The following IFT172 variants were observed in gnomAD, a reference collection of about 807,000 sequenced individuals.
The protein encoded by IFT172 is intraflagellar transport protein 172 homolog.
A neutral mutation model predicts 248.9 loss-of-function variants in IFT172; 164 were observed. That is an observed-to-expected ratio of 0.66 (90% CI 0.58 to 0.75). The LOEUF is 0.75. Ranked by LOEUF, IFT172 falls within the 30% of genes least tolerant of loss-of-function variation. The probability of loss-of-function intolerance (pLI) is 0.00; values close to 1 mark genes in which losing one functional copy is unlikely to be tolerated. For missense variants in IFT172, 1,950 were observed against 2,192.4 expected (o/e 0.89, Z 2.21); for synonymous variants, 729 against 791.6 (o/e 0.92, Z 1.33).
intron 29 of IFT172, 88 bp from the exon 30 acceptor site, chr2:27,456,741 T>C: frequency 6.5e-7 from 1 of 1,528,302 alleles, no homozygotes; most frequent in Non-Finnish European, 8.8e-7. Flanking sequence ...ATCCAGTAAC[T>C]GTTCTAAATT....
chr2:27,477,448 C>T (rs1209840145), intron 12 of IFT172, 111 bp downstream of exon 12: 1 of 1,211,154 alleles, frequency 8.3e-7, no homozygotes, highest in African/African-American at 1.5e-5. Flanking sequence ...ATTTCATCCT[C>T]CCTGTTTCTT....
intron 24 of IFT172, 33 bp downstream of exon 24, chr2:27,459,676 C>T: frequency 3.1e-6 from 5 of 1,610,334 alleles, no homozygotes; most frequent in Non-Finnish European, 4.2e-6. Context: ...CACTTCACAC[C>T]TAAATCTCCT....
Position 27,447,621 on chromosome 2 carries a change from A to T in IFT172, c.4553T>A (p.Val1518Glu). 1 of 1,614,124 alleles carries T rather than the reference A, an allele frequency of 6.2e-7. No individual in the cohort carries two copies. Among genetic ancestry groups the T allele is most frequent in the African/African-American group, 1.3e-5 (1 of 75,028 alleles). Residue 1518 changes from valine to glutamate, a missense_variant, in exon 42 of 48, where the codon GTG (valine) becomes GAG (glutamate). Transcript: ENST00000260570. ...DVLFNLCENL[V>E]KSSEANSPAH... Reference sequence around the variant, plus strand: ...TGGAGAGTTTGCCTCACTGGACTTCACCAGGTTTTCACACTAGAGGAGGGA... The same window carrying T: ...TGGAGAGTTTGCCTCACTGGACTTCTCCAGGTTTTCACACTAGAGGAGGGA...
chr2:27,479,374 C>G (rs1283089086), intron 10 of IFT172, 135 bp downstream of exon 10: 18 of 648,750 alleles, frequency 2.8e-5, no homozygotes, highest in Non-Finnish European at 4.8e-5. Context: ...CTGACATATT[C>G]TGTTGCCCAG....
At chr2:27,456,394 A>G in intron 30 of IFT172, 117 bp downstream of exon 30, 1 of 1,352,228 alleles carries the variant, frequency 7.4e-7, no homozygotes, top group Non-Finnish European at 1.0e-6. Context: ...TAATTTATTC[A>G]TGCCACTCTA....
intron 1 of IFT172, among the ~76,000 whole-genome samples, chr2:27,486,402 G>C (rs907616191): frequency 1.3e-5 from 2 of 152,190 alleles, no homozygotes; most frequent in African/African-American, 4.8e-5. Flanking sequence ...GACCAGATCT[G>C]ACCCTTCCAA....
In IFT172 at chr2:27,456,615, G is replaced by A. The variant is rs535441411; in HGVS notation, c.3267C>T (p.His1089=). The A allele has an allele frequency of 1.5e-5, 25 of 1,614,148 alleles. No individual in the cohort carries two copies. Among genetic ancestry groups the A allele is most frequent in the South Asian group, 4.4e-5 (4 of 91,084 alleles). The change falls in exon 30 of 48, where the codon CAC becomes CAT. Residue 1089 remains histidine, a synonymous_variant. Coordinates refer to ENST00000260570, the MANE Select transcript of IFT172 (RefSeq NM_015662.3). ...RTQGGANAHK[H]VAYLWAKSLG... Reference sequence around the variant, plus strand: ...GGCTCTTTGCCCACAGATAGGCCACGTGTTTGTGGGCATTAGCCCCTCCTT... The same window carrying A: ...GGCTCTTTGCCCACAGATAGGCCACATGTTTGTGGGCATTAGCCCCTCCTT...
intron 1 of IFT172, among the ~76,000 whole-genome samples, chr2:27,488,243 TC>T (rs565157246): frequency 9.2e-5 from 14 of 152,058 alleles, no homozygotes; most frequent in Admixed American, 7.2e-4. Flanking sequence ...AACCTCCACC[TC>T]CCGGGTTCAA....
chr2:27,452,063 C>T (rs1042153416), intron 35 of IFT172, among the ~76,000 whole-genome samples: 7 of 147,640 alleles, frequency 4.7e-5, no homozygotes, highest in African/African-American at 1.2e-4. Context: ...GGTATTTGGT[C>T]AAACATTATT....
At chr2:27,444,557 T>C in intron 47 of IFT172, 36 bp from the exon 48 acceptor site, 1 of 1,533,362 alleles carries the variant, frequency 6.5e-7, no homozygotes. Flanking sequence ...AGGAACTTGT[T>C]AATGCTGGAA....
chr2:27,449,673 A>C lies in IFT172; in HGVS notation c.4160+18T>G. On this transcript the variant is annotated intron_variant, in intron 37 of 47. Coordinates refer to ENST00000260570, the MANE Select transcript of IFT172 (RefSeq NM_015662.3). ...AAGTAAAAGAGAATTTCGCAGTAAG[A>C]AGGGGTTACAAGCTTACCTGGGATC... 5.0e-6 allele frequency: 8 copies of C among 1,608,866 alleles called. No individual in the cohort carries two copies. The highest frequency in any genetic ancestry group is 6.8e-6 in the Non-Finnish European group (8 of 1,175,730).
Position 27,465,753 on chromosome 2 carries a change from A to T in IFT172, c.1822T>A (p.Tyr608Asn). 6.2e-7 allele frequency: 1 copy of T among 1,614,112 alleles called. No homozygotes were observed. Among genetic ancestry groups the T allele is most frequent in the South Asian group, 1.1e-5 (1 of 91,074 alleles). ...TATTGGCCAGCCTCTCACCGGATGT[A>T]GTTGCCATCATCAATGGCTGTTCCA... The part of the protein sequence containing the change: ...EFGTAIDDGN[Y>N]IRATAFLETL... Residue 608 changes from tyrosine (Y) to asparagine (N), a missense_variant, in exon 17 of 48, where the codon TAC becomes AAC. Tyr to Asn is a moderately radical substitution (Grantham distance 143). Transcript: ENST00000260570.
chr2:27,476,752 C>A, intron 13 of IFT172, 26 bp from the exon 14 acceptor site: 1 of 1,445,306 alleles, frequency 6.9e-7, no homozygotes, highest in South Asian at 1.1e-5. Flanking sequence ...TGAGGTAAGG[C>A]AAAATGGGCT....
chr2:27,459,880 A>AG, intron 23 of IFT172, 51 bp from the exon 24 acceptor site: 1 of 1,600,670 alleles, frequency 6.2e-7, no homozygotes, highest in East Asian at 2.2e-5. Flanking sequence ...GATGGGCCTC[A>AG]GGAAAAAGGT....
rs769051292 is a variant in IFT172, at chr2:27,453,349, GAGA to G, written c.3951+32_3951+34del. On this transcript the variant is annotated intron_variant, in intron 35 of 47. Coordinates refer to ENST00000260570, the MANE Select transcript of IFT172 (RefSeq NM_015662.3). The stretch of plus-strand genomic sequence containing the variant: ...AGCCAAGTGTGAATAGAGGCCTAGG[GAGA>G]AGGAGGGCCAGAAAGGGCCTGCTGT... 9 of 1,613,714 alleles carry G rather than the reference GAGA, an allele frequency of 5.6e-6. No homozygotes were observed. In the Admixed American group the frequency reaches 1.5e-4, roughly 27 times the overall value.
At position 27,485,056 on chromosome 2, in the gene IFT172, A is replaced by G. The variant is rs369061009; in HGVS notation, c.258T>C (p.Thr86=). 4.5e-5 allele frequency: 73 copies of G among 1,606,532 alleles called. No homozygotes were observed. The African/African-American group carries it at 8.8e-4, about 19-fold the overall frequency. Residue 86 remains threonine, a synonymous_variant, in exon 3 of 48, where the codon ACT becomes ACC. Coordinates refer to ENST00000260570, the MANE Select transcript of IFT172 (RefSeq NM_015662.3). ...PDSTKIAIGQ[T]DNIIYVYKIG... Reference sequence around the variant, plus strand: ...TCTTGTAGACATAGATGATGTTGTCAGTCTGTCCTATGGCAATTTTAGTGG... The same window carrying G: ...TCTTGTAGACATAGATGATGTTGTCGGTCTGTCCTATGGCAATTTTAGTGG...
In IFT172 at chr2:27,478,128, G is replaced by A. The variant is rs2148544316; in HGVS notation, c.1034C>T (p.Thr345Ile). Residue 345 changes from threonine (T) to isoleucine (I), a missense_variant, in exon 11 of 48, where the codon ACC becomes ATC. Physicochemically the swap from Thr to Ile is moderately conservative, Grantham distance 89. This residue lies in a region of IFT172 where 1,166 missense variants were observed against 1,254.1 expected (regional missense o/e 0.93). Transcript: ENST00000260570. The stretch of plus-strand genomic sequence containing the variant: ...ATAGTGTGACTTGAGCACCACTCGG[G>A]TTCCTGATGACAGGTTCTTCACAAT... ...QVIVKNLSSG[T>I]RVVLKSHYGY... 6.2e-7 allele frequency: 1 copy of A among 1,614,114 alleles called. No homozygotes were observed. The highest frequency in any genetic ancestry group is 1.1e-5 in the South Asian group (1 of 91,082).
chr2:27,481,269 GA>G lies in IFT172; in HGVS notation c.571-10del. On this transcript the variant is annotated splice_polypyrimidine_tract_variant and intron_variant, in intron 7 of 47. Transcript: ENST00000260570. ...TGGTTAACCAACTTCCCCTAAGACA[GA>G]AGTAGAGGGTTTCAATCACTCTTCG... 3 of 1,606,116 alleles carry G rather than the reference GA, an allele frequency of 1.9e-6. No homozygotes were observed. Among genetic ancestry groups the G allele is most frequent in the Non-Finnish European group, 2.6e-6 (3 of 1,176,086 alleles).
intron 7 of IFT172, among the ~76,000 whole-genome samples, chr2:27,483,001 CTTTT>C (rs10651081): frequency 8.1e-6 from 1 of 123,796 alleles, no homozygotes. Context: ...TCCACAGCAT[CTTTT>C]TTTTTTTTTT....
Sources: gnomAD v4.1 joint callset for allele counts (sites outside exome capture counted in the v4.1 genomes callset) on GRCh38, gnomAD v4.1.1 for gene constraint, gnomAD v4.1.1 regional missense constraint, MANE v1.5 for transcripts, NCBI Gene and HGNC (gene_info 2026-07-23, HGNC 2026-07-21) for gene names.